CEP126: variants seen among roughly 807,000 people sequenced by gnomAD.
CEP126 encodes centrosomal protein 126.
Under a neutral mutation model 107.8 loss-of-function variants are expected in CEP126, and 74 were observed. The observed-to-expected ratio is 0.69, with a 90% CI of 0.57 to 0.83. The LOEUF (loss-of-function observed/expected upper bound fraction) is 0.83, where lower values mean the gene tolerates loss of function less well. Among genes scored for constraint, CEP126 ranks in the 40% least tolerant of loss-of-function variants. CEP126 has a pLI of 0.00. For missense variants in CEP126, 1,237 were observed against 1,281.9 expected, an observed-to-expected ratio of 0.96 and a Z score of 0.53; for synonymous variants, 449 against 446.0, an observed-to-expected ratio of 1.01 and a Z score of -0.08.
chr11:101,933,492 G>C (rs143186549), intron 2 of CEP126, among the ~76,000 whole-genome samples: 1 of 152,228 alleles, frequency 6.6e-6, no homozygotes, highest in East Asian at 1.9e-4. Context: ...ACCTTTTTAA[G>C]ATTCAGGATT....
At chr11:101,956,471 G>C (rs1940893366) in intron 4 of CEP126, 1 of 456,402 alleles carries the variant, frequency 2.2e-6, no homozygotes, top group South Asian at 1.5e-5. Context: ...GGCCTTTGCA[G>C]ATCATCCACC....
rs769861010 is a variant in CEP126, at chr11:101,915,296, G to A, written c.12G>A (p.Gly4=). 5 of 1,613,552 alleles carry A rather than the reference G, an allele frequency of 3.1e-6. No homozygotes were observed. In the African/African-American group the frequency reaches 5.3e-5, roughly 17 times the overall value. The change falls in exon 1 of 11, where the codon GGG becomes GGA. Residue 4 remains glycine (G), a synonymous_variant. Transcript: ENST00000263468. ...CGCTGAAGTGAAGGATGCTGGCGGG[G>A]AGGCCCGGAACCCGGAGCGCGGTCG... The part of the protein sequence containing the change: MLA[G]RPGTRSAVGE...
chr11:101,963,827 T>G lies in CEP126; in HGVS notation c.2792T>G (p.Val931Gly). ...CTAAGAACTGCTGAAGAAGAATCAG[T>G]TCCCTTATGGAAAAGAGGTCCTAAT... ...VTLRTAEEES[V>G]PLWKRGPNVL... Residue 931 changes from valine to glycine, a missense_variant, in exon 6 of 11, where the codon GTT becomes GGT. Physicochemically the swap from Val to Gly is moderately radical, Grantham distance 109. Coordinates refer to ENST00000263468, the MANE Select transcript of CEP126 (RefSeq NM_020802.4). 2 of 1,614,012 alleles carry G rather than the reference T, an allele frequency of 1.2e-6. No individual in the cohort carries two copies. The highest frequency in any genetic ancestry group is 2.2e-5 in the South Asian group (2 of 91,014).
chr11:101,920,600 A>G (rs1262751750), intron 1 of CEP126, among the ~76,000 whole-genome samples: 3 of 151,646 alleles, frequency 2.0e-5, no homozygotes, highest in East Asian at 1.9e-4. Flanking sequence ...CGGTAATTCA[A>G]TGAACTTTTT....
intron 1 of CEP126, among the ~76,000 whole-genome samples, chr11:101,921,706 C>CA (rs1169976779): frequency 0.081 from 3,957 of 49,002 alleles, 210 homozygotes; most frequent in East Asian, 0.3. Context: ...GACTCTGTCT[C>CA]AAAAAAAAAA....
intron 3 of CEP126, among the ~76,000 whole-genome samples, chr11:101,945,468 T>C (rs867475484): frequency 1.4e-4 from 22 of 152,156 alleles, no homozygotes; most frequent in African/African-American, 4.8e-4. Flanking sequence ...CCACTTACAG[T>C]TTTTTTAACA....
At chr11:101,971,402 G>A (rs1354134032) in intron 6 of CEP126, among the ~76,000 whole-genome samples, 1 of 152,040 alleles carries the variant, frequency 6.6e-6, no homozygotes, top group Non-Finnish European at 1.5e-5. Context: ...TAATGAAATC[G>A]AGGCTGGAAG....
chr11:101,950,434 T>C (rs1402839409), intron 4 of CEP126, among the ~76,000 whole-genome samples: 4 of 152,322 alleles, frequency 2.6e-5, no homozygotes, highest in Middle Eastern at 3.4e-3. Context: ...AAAGTACTTA[T>C]TCTGTGTTAG....
At chr11:101,980,523 C>T (rs1486507240) in intron 7 of CEP126, among the ~76,000 whole-genome samples, 3 of 152,176 alleles carry the variant, frequency 2.0e-5, no homozygotes, top group African/African-American at 7.2e-5. Flanking sequence ...AGCCTCCCTT[C>T]CACTTTCACA....
intron 2 of CEP126, among the ~76,000 whole-genome samples, chr11:101,935,683 A>C (rs1040187256): frequency 6.6e-6 from 1 of 152,126 alleles, no homozygotes; most frequent in African/African-American, 2.4e-5. Flanking sequence ...GTTTACTCTT[A>C]TACTAATACT....
At chr11:101,982,349 C>T (rs974421850) in intron 8 of CEP126, among the ~76,000 whole-genome samples, 2 of 152,010 alleles carry the variant, frequency 1.3e-5, no homozygotes, top group South Asian at 2.1e-4. Flanking sequence ...AAGTATTTTC[C>T]GGAAAAGTAT....
At chr11:101,956,780 C>T (rs772530569) in intron 4 of CEP126, 6 of 449,784 alleles carry the variant, frequency 1.3e-5, no homozygotes, top group Admixed American at 7.2e-5. Flanking sequence ...TTCCTTTCCC[C>T]CTATTCTTCA....
intron 2 of CEP126, among the ~76,000 whole-genome samples, chr11:101,942,728 A>G (rs1940683237): frequency 1.3e-5 from 2 of 151,896 alleles, no homozygotes; most frequent in South Asian, 4.2e-4. Flanking sequence ...TCATCTTAAC[A>G]ATATCTTTTT....
rs181965180 is a variant in CEP126 at position 101,959,115 on chromosome 11, C to T, written c.705+749C>T. 3.0e-4 allele frequency among the ~76,000 whole-genome samples: 45 copies of T among 152,102 alleles called. 1 individual carries two copies. The East Asian group carries it at 8.5e-3, about 29-fold the overall frequency. On this transcript the variant is annotated intron_variant, in intron 5 of 10. Coordinates refer to ENST00000263468, the MANE Select transcript of CEP126 (RefSeq NM_020802.4). Reference sequence around the variant, plus strand: ...AAGATCCACTAGTAACCCAAGCTACCTATTAAACAAAAAAACTTAACACTT... The same window carrying T: ...AAGATCCACTAGTAACCCAAGCTACTTATTAAACAAAAAAACTTAACACTT...
At chr11:101,944,475 A>G in intron 3 of CEP126, 65 bp downstream of exon 3, 1 of 1,425,164 alleles carries the variant, frequency 7.0e-7, no homozygotes, top group Non-Finnish European at 9.4e-7. Flanking sequence ...TGAGTAGACA[A>G]TAAAATCGTA....
chr11:101,999,300 T>C lies in CEP126; in HGVS notation c.*1657T>C, dbSNP rs1376714524. ...AGCACCTCAGATGAAAACTCACTTT[T>C]ATTAAAAAAAAAAAAGACAAGGGTT... is the stretch of plus-strand genomic sequence containing the variant. On this transcript the variant is annotated 3_prime_UTR_variant, in exon 11 of 11. Transcript: ENST00000263468. 6.6e-6 allele frequency: 1 copy of C among 151,114 alleles called. No homozygotes were observed. The highest frequency in any genetic ancestry group is 1.5e-5 in the Non-Finnish European group (1 of 67,874). The allele number at this position is 151,114 out of a possible 1,614,324, so 9.4% of individuals were successfully genotyped here.
rs184179086 is a variant in CEP126, at chr11:101,921,195, A to G, written c.129-1446A>G. ...GTTTTCCTAGTGGTTTTTTATAACCACTAAGTCACTAAGTAAATAACTAAA... is the reference window on the plus strand; with the variant it reads ...GTTTTCCTAGTGGTTTTTTATAACCGCTAAGTCACTAAGTAAATAACTAAA... On this transcript the variant is annotated intron_variant, in intron 1 of 10. Coordinates refer to ENST00000263468, the MANE Select transcript of CEP126 (RefSeq NM_020802.4). 2.0e-5 allele frequency among the ~76,000 whole-genome samples: 3 copies of G among 152,318 alleles called. No individual in the cohort carries two copies. The East Asian group carries it at 5.8e-4, about 29-fold the overall frequency.
intron 1 of CEP126, among the ~76,000 whole-genome samples, chr11:101,919,252 G>A (rs1031454699): frequency 7.9e-5 from 12 of 152,188 alleles, no homozygotes; most frequent in African/African-American, 2.2e-4. Flanking sequence ...AGGAAAAATC[G>A]AATCAACATA....
chr11:101,997,515 C>G (rs1006113363), intron 10 of CEP126, 84 bp from the exon 11 acceptor site: 1 of 1,602,722 alleles, frequency 6.2e-7, no homozygotes, highest in African/African-American at 1.3e-5. Flanking sequence ...GTTGAATATG[C>G]CACTATTTGA....
Sources: gnomAD v4.1 joint callset for allele counts (sites outside exome capture counted in the v4.1 genomes callset) on GRCh38, gnomAD v4.1.1 for gene constraint, MANE v1.5 for transcripts, NCBI Gene and HGNC (gene_info 2026-07-23, HGNC 2026-07-21) for gene names.